IPCEF1: variants seen among roughly 807,000 people sequenced by gnomAD.
The protein encoded by IPCEF1 is interactor protein for cytohesin exchange factors 1.
IPCEF1 carries 31 observed loss-of-function variants against 50.9 expected under a neutral mutation model. The ratio of observed to expected loss-of-function variants is 0.61; its 90% confidence interval spans 0.46 to 0.82. The LOEUF is 0.82. Among genes scored for constraint, IPCEF1 ranks in the 40% least tolerant of loss-of-function variants. The probability of loss-of-function intolerance (pLI) is 0.00; values close to 1 mark genes in which losing one functional copy is unlikely to be tolerated. For synonymous variants in IPCEF1, 181 were observed against 192.0 expected (o/e 0.94, Z 0.47); for missense variants, 458 against 514.0 (o/e 0.89, Z 1.05).
At chr6:154,286,419 A>G (rs1347749113) in intron 2 of IPCEF1, among the ~76,000 whole-genome samples, 3 of 152,248 alleles carry the variant, frequency 2.0e-5, no homozygotes, top group African/African-American at 7.2e-5. Context: ...GATAAACAAG[A>G]TTCCTTTAGT....
chr6:154,341,547 C>G (rs1783918493), intron 1 of IPCEF1, among the ~76,000 whole-genome samples: 1 of 152,152 alleles, frequency 6.6e-6, no homozygotes, highest in Non-Finnish European at 1.5e-5. Flanking sequence ...GTGCAATGAA[C>G]AAAACACGCA....
chr6:154,202,871 A>G (rs981143240), intron 9 of IPCEF1, among the ~76,000 whole-genome samples: 20 of 152,252 alleles, frequency 1.3e-4, no homozygotes, highest in Non-Finnish European at 4.4e-5. Context: ...GAAAAAAAGA[A>G]ATAGAAGAAA....
intron 10 of IPCEF1, among the ~76,000 whole-genome samples, chr6:154,182,299 G>C (rs922674029): frequency 2.6e-5 from 4 of 152,108 alleles, no homozygotes; most frequent in Admixed American, 6.5e-5. Context: ...GACAGCTCAA[G>C]GCTCTTCTAC....
At chr6:154,339,763 T>TA (rs1231477019) in intron 1 of IPCEF1, among the ~76,000 whole-genome samples, 1 of 152,038 alleles carries the variant, frequency 6.6e-6, no homozygotes, top group Non-Finnish European at 1.5e-5. Flanking sequence ...CAGCTAATTT[T>TA]AAAAAATATT....
At chr6:154,347,828 T>G (rs1784060292) in intron 1 of IPCEF1, among the ~76,000 whole-genome samples, 1 of 151,664 alleles carries the variant, frequency 6.6e-6, no homozygotes, top group African/African-American at 2.4e-5. Flanking sequence ...TCGTGGGGAG[T>G]GGACAGTGGT....
In IPCEF1 at chr6:154,246,689, A is replaced by G. The variant is rs749649397; in HGVS notation, c.148T>C (p.Tyr50His). ...AAACTTCCCTTTTCCTTTTTCTTATACAGCCACCCTTGGCAGTCAGCATGG... is the reference window on the plus strand; with the variant it reads ...AAACTTCCCTTTTCCTTTTTCTTATGCAGCCACCCTTGGCAGTCAGCATGG... ...LGHADCQGWL[Y>H]KKKEKGSFLS... Residue 50 changes from tyrosine (Y) to histidine (H), a missense_variant, in exon 5 of 12, where the codon TAT (tyrosine) becomes CAT (histidine). Physicochemically the swap from Tyr to His is moderately conservative, Grantham distance 83. Transcript: ENST00000367220. 7 of 1,613,960 alleles carry G rather than the reference A, an allele frequency of 4.3e-6. No homozygotes were observed. The highest frequency in any genetic ancestry group is 5.1e-6 in the Non-Finnish European group (6 of 1,179,980).
At chr6:154,303,274 T>C (rs1476242571) in intron 1 of IPCEF1, among the ~76,000 whole-genome samples, 3 of 152,002 alleles carry the variant, frequency 2.0e-5, no homozygotes, top group Non-Finnish European at 2.9e-5. Flanking sequence ...GTATTTTTAG[T>C]AGAGACGGGG....
rs1032307730 is a variant in IPCEF1 at position 154,279,527 on chromosome 6, G to A, written c.-18+10186C>T. Among the ~76,000 whole-genome samples the A allele has an allele frequency of 3.3e-5, 5 of 151,994 alleles. No individual in the cohort carries two copies. In the South Asian group the frequency reaches 1.0e-3, roughly 31 times the overall value. On this transcript the variant is annotated intron_variant, in intron 2 of 11. Transcript: ENST00000367220. ...TCCTTATTAGATCTACAATTTACTT[G>A]CAATTGATTTTCTATTATGGTTTCA...
intron 5 of IPCEF1, among the ~76,000 whole-genome samples, chr6:154,236,350 C>T (rs897757201): frequency 5.3e-5 from 8 of 152,088 alleles, no homozygotes; most frequent in Admixed American, 2.0e-4. Context: ...TAGTCAAATT[C>T]GTAGAGACAG....
At chr6:154,222,231 A>G (rs1286822763) in intron 6 of IPCEF1, among the ~76,000 whole-genome samples, 2 of 152,270 alleles carry the variant, frequency 1.3e-5, no homozygotes, top group Non-Finnish European at 2.9e-5. Flanking sequence ...TTTACCCTTT[A>G]GGCAGGAAGT....
At chr6:154,247,330 C>T (rs774623524) in intron 4 of IPCEF1, 119 bp downstream of exon 4, 6 of 733,516 alleles carry the variant, frequency 8.2e-6, no homozygotes, top group Non-Finnish European at 1.2e-5. Context: ...ATCTGCCGTC[C>T]ACCTCCTCTT....
At chr6:154,332,401 T>C (rs1171702097) in intron 1 of IPCEF1, among the ~76,000 whole-genome samples, 1 of 151,934 alleles carries the variant, frequency 6.6e-6, no homozygotes, top group Non-Finnish European at 1.5e-5. Flanking sequence ...CGGCCCATGT[T>C]GATAACTTTT....
At chr6:154,300,441 C>T (rs1041945576) in intron 1 of IPCEF1, among the ~76,000 whole-genome samples, 2 of 152,120 alleles carry the variant, frequency 1.3e-5, no homozygotes, top group African/African-American at 2.4e-5. Flanking sequence ...TGATGACCCA[C>T]GTCTCTACAG....
At position 154,178,395 on chromosome 6, in the gene IPCEF1, C is replaced by T. The variant is rs561533046; in HGVS notation, c.911-10282G>A. 1.1e-4 allele frequency among the ~76,000 whole-genome samples: 17 copies of T among 152,056 alleles called. No individual in the cohort carries two copies. The South Asian group carries it at 3.3e-3, about 30-fold the overall frequency. On this transcript the variant is annotated intron_variant, in intron 10 of 11. Transcript: ENST00000367220. ...AGGATAACATGGCATATAATATATTCCCTACATGAAAAATAAATGGAACTT... is the reference window on the plus strand; with the variant it reads ...AGGATAACATGGCATATAATATATTTCCTACATGAAAAATAAATGGAACTT...
intron 2 of IPCEF1, among the ~76,000 whole-genome samples, chr6:154,275,721 A>C (rs1782038047): frequency 6.6e-6 from 1 of 152,126 alleles, no homozygotes; most frequent in Non-Finnish European, 1.5e-5. Flanking sequence ...CACCAAAGTG[A>C]GCAGCTATAC....
At chr6:154,196,698 A>T (rs2128588049) in intron 10 of IPCEF1, among the ~76,000 whole-genome samples, 1 of 152,326 alleles carries the variant, frequency 6.6e-6, no homozygotes, top group South Asian at 2.1e-4. Context: ...ACAGGGTAAA[A>T]TTGAGCTGAA....
chr6:154,173,737 GA>G lies in IPCEF1; in HGVS notation c.911-5625del, dbSNP rs1207874524. Among the ~76,000 whole-genome samples, 12 of 152,240 alleles carry G rather than the reference GA, an allele frequency of 7.9e-5. No individual in the cohort carries two copies. The East Asian group carries it at 2.3e-3, about 29-fold the overall frequency. On this transcript the variant is annotated intron_variant, in intron 10 of 11. Transcript: ENST00000367220. ...TGACGGGGAGAATGGGACCAAATTG[GA>G]AAACACTCTTCAGGATATTATCCAG...
intron 5 of IPCEF1, among the ~76,000 whole-genome samples, chr6:154,241,856 A>G (rs1286269908): frequency 6.6e-6 from 1 of 152,038 alleles, no homozygotes; most frequent in African/African-American, 2.4e-5. Context: ...ACATTCCTAC[A>G]CTATCACTAC....
intron 1 of IPCEF1, among the ~76,000 whole-genome samples, chr6:154,321,637 G>A (rs931308790): frequency 1.3e-4 from 19 of 151,940 alleles, no homozygotes; most frequent in East Asian, 5.8e-4. Flanking sequence ...AAAGTTAGCC[G>A]GGTGTGGTGG....
Sources: allele counts gnomAD v4.1 joint callset (sites outside exome capture counted in the v4.1 genomes callset), GRCh38; gene constraint gnomAD v4.1.1; transcripts MANE v1.5; gene names NCBI Gene and HGNC (gene_info 2026-07-23, HGNC 2026-07-21).